Variants in KCNN2 observed in about 807,000 individuals in gnomAD.
The protein encoded by KCNN2 is small conductance calcium-activated potassium channel protein 2.
In KCNN2, 24 loss-of-function variants were observed where a neutral mutation model predicts 55.5. The ratio of observed to expected loss-of-function variants is 0.43; its 90% CI spans 0.31 to 0.61. KCNN2 has a LOEUF of 0.61. Among genes scored for constraint, KCNN2 ranks in the 20% least tolerant of loss-of-function variants. The pLI, the probability that KCNN2 is intolerant of heterozygous loss-of-function variation, is 0.08. For missense variants in KCNN2, 754 were observed against 853.6 expected (o/e 0.88, Z 1.45); for synonymous variants, 431 against 336.1 (o/e 1.28, Z -3.09).
intron 1 of KCNN2, among the ~76,000 whole-genome samples, chr5:114,201,125 G>A (rs1369848519): frequency 6.6e-6 from 1 of 151,948 alleles, no homozygotes; most frequent in Non-Finnish European, 1.5e-5. Context: ...CAATGCACTG[G>A]GACCCAAGCA....
intron 2 of KCNN2, among the ~76,000 whole-genome samples, chr5:114,325,915 C>G (rs1756705912): frequency 6.6e-6 from 1 of 152,178 alleles, no homozygotes; most frequent in South Asian, 2.1e-4. Context: ...CTATATACAT[C>G]AAATGTTGTC....
intron 3 of KCNN2, among the ~76,000 whole-genome samples, chr5:114,414,106 C>T (rs1759223392): frequency 6.6e-6 from 1 of 151,908 alleles, no homozygotes; most frequent in South Asian, 2.1e-4. Context: ...GGATTTTCTG[C>T]ATTGTATTTT....
At chr5:114,432,795 G>A (rs906060977) in intron 3 of KCNN2, among the ~76,000 whole-genome samples, 38 of 152,212 alleles carry the variant, frequency 2.5e-4, no homozygotes, top group African/African-American at 8.9e-4. Flanking sequence ...CAGCCCTGCC[G>A]GCCCGGGCAA....
chr5:114,375,974 A>ATATATATATATATATATATG (rs1757920729), intron 2 of KCNN2, among the ~76,000 whole-genome samples: 3 of 139,258 alleles, frequency 2.2e-5, no homozygotes, highest in Admixed American at 1.5e-4. Flanking sequence ...ATATATATAT[A>ATATATATATATATATATATG]TATGTATTTT....
intron 1 of KCNN2, among the ~76,000 whole-genome samples, chr5:114,119,164 T>G (rs1201681357): frequency 6.6e-6 from 1 of 152,162 alleles, no homozygotes; most frequent in Non-Finnish European, 1.5e-5. Flanking sequence ...GTTTCCAGAT[T>G]TAGTCAAAGC....
intron 2 of KCNN2, among the ~76,000 whole-genome samples, chr5:114,248,330 T>G (rs1483358787): frequency 6.6e-6 from 1 of 152,134 alleles, no homozygotes; most frequent in Non-Finnish European, 1.5e-5. Context: ...TTGCCTCAAT[T>G]AGAACTGACA....
At chr5:114,364,165 G>A (rs980719894) in intron 2 of KCNN2, among the ~76,000 whole-genome samples, 164 bp downstream of exon 2, 1 of 152,208 alleles carries the variant, frequency 6.6e-6, no homozygotes, top group Non-Finnish European at 1.5e-5. Context: ...CTTTCAGGAA[G>A]TGGAAAACAA....
intron 2 of KCNN2, 75 bp downstream of exon 2, chr5:114,364,076 C>G: frequency 4.6e-6 from 5 of 1,085,684 alleles, no homozygotes; most frequent in Admixed American, 3.5e-5. Flanking sequence ...GCAGCAGAGG[C>G]TTTTTTCAAG....
intron 1 of KCNN2, among the ~76,000 whole-genome samples, chr5:114,096,467 T>G (rs765258998): frequency 4.6e-5 from 7 of 152,146 alleles, no homozygotes; most frequent in Non-Finnish European, 8.8e-5. Flanking sequence ...GTGAAGAGAC[T>G]TGAAACCAAG....
In KCNN2 at chr5:114,459,582, A is replaced by C. The variant is rs1317794350; in HGVS notation, c.1638-3467A>C. The stretch of plus-strand genomic sequence containing the variant: ...GAAAAACAAAATAGGGGATTATTCT[A>C]ATAGTATCTAATTTGGTTCCTGATT... On this transcript the variant is annotated intron_variant, in intron 3 of 7. Coordinates refer to ENST00000673685, the MANE Select transcript of KCNN2 (RefSeq NM_021614.4). Among the ~76,000 whole-genome samples the C allele has an allele frequency of 2.0e-5, 3 of 152,286 alleles. No homozygotes were observed. The South Asian group carries it at 6.2e-4, about 32-fold the overall frequency.
At chr5:114,385,783 A>T (rs1461475655) in intron 2 of KCNN2, among the ~76,000 whole-genome samples, 1 of 151,990 alleles carries the variant, frequency 6.6e-6, no homozygotes, top group Non-Finnish European at 1.5e-5. Flanking sequence ...GTAATGTATG[A>T]TAAATAATGA....
rs906253136 is a variant in KCNN2, at chr5:114,462,962, G to A, written c.1638-87G>A. On this transcript the variant is annotated intron_variant, in intron 3 of 7. Transcript: ENST00000673685. ...AATATAGCAGTTTATAGAAGATACAGTAAATTCGTTGAATTGAACCAAACC... is the reference window on the plus strand; with the variant it reads ...AATATAGCAGTTTATAGAAGATACAATAAATTCGTTGAATTGAACCAAACC... 348 of 1,276,778 alleles carry A rather than the reference G, an allele frequency of 2.7e-4. 1 individual carries two copies. The highest frequency in any genetic ancestry group is 5.8e-4 in the Middle Eastern group (3 of 5,136). 79.1% of individuals were successfully genotyped at this position (1,276,778 alleles called of 1,614,324 possible). A position where few individuals can be genotyped will look rare whatever the true frequency, so the allele number is the denominator to read the frequency against.
chr5:114,421,226 CA>C (rs5870608), intron 3 of KCNN2, among the ~76,000 whole-genome samples: 14 of 146,248 alleles, frequency 9.6e-5, no homozygotes, highest in African/African-American at 1.5e-4. Context: ...TGAAATTTTA[CA>C]AAAAAAAAAG....
rs1050703475 is a variant in KCNN2, at chr5:114,276,660, T to A, written c.-185+55095T>A. 6.0e-5 allele frequency among the ~76,000 whole-genome samples: 9 copies of A among 150,322 alleles called. 1 individual carries two copies. The highest frequency in any genetic ancestry group is 2.2e-4 in the African/African-American group (9 of 40,930). On this transcript the variant is annotated intron_variant, in intron 2 of 10. Transcript: ENST00000512097. ...GAGACCAGTATTGCAACCCCTGCATTTTTTTTTTTTTTGCTTTCCATTTGC... is the reference window on the plus strand; with the variant it reads ...GAGACCAGTATTGCAACCCCTGCATATTTTTTTTTTTTGCTTTCCATTTGC...
intron 2 of KCNN2, among the ~76,000 whole-genome samples, chr5:114,376,809 A>G (rs1757961926): frequency 6.6e-6 from 1 of 152,238 alleles, no homozygotes; most frequent in African/African-American, 2.4e-5. Context: ...TTGGCCAGCC[A>G]TGGTGACTTA....
At chr5:114,368,096 T>TTC (rs1757658055) in intron 2 of KCNN2, among the ~76,000 whole-genome samples, 4 of 152,130 alleles carry the variant, frequency 2.6e-5, no homozygotes, top group African/African-American at 9.7e-5. Flanking sequence ...TATCCATGGG[T>TTC]TCTGCATCAG....
At chr5:114,141,744 C>G (rs1752286146) in intron 1 of KCNN2, among the ~76,000 whole-genome samples, 1 of 152,208 alleles carries the variant, frequency 6.6e-6, no homozygotes, top group Non-Finnish European at 1.5e-5. Context: ...TACACTCCCA[C>G]CAGCAGTGTA....
intron 5 of KCNN2, among the ~76,000 whole-genome samples, chr5:114,473,846 G>A (rs2150125256): frequency 1.3e-5 from 2 of 152,176 alleles, no homozygotes; most frequent in Middle Eastern, 6.8e-3. Context: ...TTATAAATGT[G>A]GAAACTAAGA....
intron 1 of KCNN2, among the ~76,000 whole-genome samples, chr5:114,167,364 A>T (rs1366409445): frequency 6.6e-6 from 1 of 152,108 alleles, no homozygotes; most frequent in Non-Finnish European, 1.5e-5. Context: ...TACCTTCTCA[A>T]TTGTTTTTTA....
Sources: gnomAD v4.1 joint callset for allele counts (sites outside exome capture counted in the v4.1 genomes callset) on GRCh38, gnomAD v4.1.1 for gene constraint, MANE v1.5 for transcripts, NCBI Gene and HGNC (gene_info 2026-07-23, HGNC 2026-07-21) for gene names.